TTC39A: variants seen among roughly 807,000 people sequenced by gnomAD.
The protein encoded by TTC39A is tetratricopeptide repeat protein 39A.
In TTC39A, 46 loss-of-function variants were observed where a neutral mutation model predicts 82.3. That is an observed-to-expected ratio of 0.56 (90% CI 0.44 to 0.71). The LOEUF (loss-of-function observed/expected upper bound fraction) is 0.71. Ranked by LOEUF, TTC39A falls within the 30% of genes least tolerant of loss-of-function variation. TTC39A has a pLI of 0.00. For synonymous variants in TTC39A, 254 were observed against 275.2 expected, an observed-to-expected ratio of 0.92 and a Z score of 0.76; for missense variants, 543 against 712.9, an observed-to-expected ratio of 0.76 and a Z score of 2.71.
intron 5 of TTC39A, among the ~76,000 whole-genome samples, chr1:51,310,370 C>T (rs1322572209): frequency 2.6e-5 from 4 of 152,132 alleles, no homozygotes; most frequent in African/African-American, 7.2e-5. Context: ...TTCTGTCCTC[C>T]AGTCGGGTGT....
chr1:51,312,338 G>C (rs958931445), intron 3 of TTC39A, 143 bp from the exon 4 acceptor site: 20 of 874,148 alleles, frequency 2.3e-5, no homozygotes, highest in Non-Finnish European at 3.1e-5. Flanking sequence ...AACAGAAGAG[G>C]TTTGATATTC....
At chr1:51,316,072 C>T (rs1418437731) in intron 2 of TTC39A, among the ~76,000 whole-genome samples, 3 of 152,114 alleles carry the variant, frequency 2.0e-5, no homozygotes, top group African/African-American at 7.2e-5. Context: ...GAAATGGGGT[C>T]CCTGGGTCGT....
intron 2 of TTC39A, among the ~76,000 whole-genome samples, chr1:51,316,348 AC>A (rs898598453): frequency 1.1e-4 from 16 of 152,010 alleles, no homozygotes; most frequent in African/African-American, 1.7e-4. Context: ...AAGCCTCCTG[AC>A]CTGCCCATAC....
At chr1:51,313,015 TC>T in intron 2 of TTC39A, 72 bp from the exon 3 acceptor site, 1 of 1,560,200 alleles carries the variant, frequency 6.4e-7, no homozygotes, top group Non-Finnish European at 8.7e-7. Context: ...GGGCAGCTCA[TC>T]TCCACCCTCC....
chr1:51,332,586 G>C (rs1645927230), upstream of TTC39A, among the ~76,000 whole-genome samples: 1 of 152,252 alleles, frequency 6.6e-6, no homozygotes, highest in Non-Finnish European at 1.5e-5. Flanking sequence ...GAGCACTGTA[G>C]TTGGAGACTG....
upstream of TTC39A, chr1:51,331,262 TG>T: frequency 1.3e-6 from 2 of 1,547,452 alleles, no homozygotes; most frequent in Admixed American, 3.9e-5. Context: ...AGTGCCTGTG[TG>T]GGGGTCACCC....
chr1:51,289,799 A>G (rs1256370571), intron 16 of TTC39A, among the ~76,000 whole-genome samples: 1 of 152,148 alleles, frequency 6.6e-6, no homozygotes, highest in South Asian at 2.1e-4. Flanking sequence ...TAGTCAGGCA[A>G]TTTGGTGGCA....
intron 1 of TTC39A, chr1:51,325,922 C>T (rs1645696642): frequency 6.6e-6 from 1 of 152,320 alleles, no homozygotes; most frequent in Non-Finnish European, 1.5e-5. Flanking sequence ...AGCCCCGGCA[C>T]CTCTTCTGCT....
At position 51,302,342 on chromosome 1, in the gene TTC39A, A is replaced by G; in HGVS notation, c.891+15T>C. The G allele has an allele frequency of 6.3e-7, 1 of 1,590,118 alleles. No individual in the cohort carries two copies. Among genetic ancestry groups the G allele is most frequent in the Non-Finnish European group, 8.6e-7 (1 of 1,169,472 alleles). ...CGAGGGATCCCCAGCCCCGGCCCGG[A>G]CCCCCATCACTCACTGCATCAATGT... On this transcript the variant is annotated intron_variant, in intron 11 of 17. Coordinates refer to ENST00000680483, the MANE Select transcript of TTC39A (RefSeq NM_001297663.2).
At position 51,321,978 on chromosome 1, in the gene TTC39A, G is replaced by T; in HGVS notation, c.42-153C>A. The T allele has an allele frequency of 7.4e-7, 1 of 1,351,830 alleles. No homozygotes were observed. The highest frequency in any genetic ancestry group is 1.0e-6 in the Non-Finnish European group (1 of 983,868). The allele number at this position is 1,351,830 out of a possible 1,614,324, so 83.7% of individuals were successfully genotyped here. ...CCAGGCTGCCACTCTGTACTGGGAC[G>T]CAGGGACAATTTGGACCCACCTCTT... On this transcript the variant is annotated intron_variant, in intron 1 of 17. Coordinates refer to ENST00000680483, the MANE Select transcript of TTC39A (RefSeq NM_001297663.2). This position sits in a 1 kb window ranked among gnomAD's most constrained non-coding sequence, Gnocchi z 4.6.
Position 51,294,277 on chromosome 1 carries a change from G to T in TTC39A, c.1266+114C>A, listed in dbSNP as rs1450966546. 5.3e-6 allele frequency: 8 copies of T among 1,515,984 alleles called. No individual in the cohort carries two copies. In the East Asian group the frequency reaches 1.6e-4, roughly 31 times the overall value. 93.9% of individuals were successfully genotyped at this position (1,515,984 alleles called of 1,614,324 possible). ...AGGTGAATTGTGAAACCCTCCCCAG[G>T]CCCCTGAGGCATGAAGGTCTTTCTC... On this transcript the variant is annotated intron_variant, in intron 14 of 17. Transcript: ENST00000680483. This position sits in a 1 kb window ranked among gnomAD's most constrained non-coding sequence, Gnocchi z 4.3.
intron 16 of TTC39A, among the ~76,000 whole-genome samples, chr1:51,289,781 G>A (rs1298709520): frequency 6.6e-6 from 1 of 152,206 alleles, no homozygotes; most frequent in East Asian, 1.9e-4. Context: ...AACGTGGATG[G>A]ACTCCTGTAG....
At chr1:51,335,756 A>AGGAG (rs1157820282), upstream of TTC39A, among the ~76,000 whole-genome samples, 1 of 152,060 alleles carries the variant, frequency 6.6e-6, no homozygotes, top group East Asian at 1.9e-4. Context: ...AAGAGAAGAA[A>AGGAG]GGAGGGGTGT....
At chr1:51,310,914 A>G (rs1169365176) in intron 5 of TTC39A, among the ~76,000 whole-genome samples, 1 of 152,270 alleles carries the variant, frequency 6.6e-6, no homozygotes, top group African/African-American at 2.4e-5. Flanking sequence ...CATAGGTGCT[A>G]CAATGCTTGT....
chr1:51,296,526 T>C (rs1569794773), intron 12 of TTC39A, among the ~76,000 whole-genome samples: 1 of 152,230 alleles, frequency 6.6e-6, no homozygotes, highest in African/African-American at 2.4e-5. Context: ...GGAAATTCCC[T>C]GAGGCCCCAG....
intron 9 of TTC39A, 92 bp downstream of exon 9, chr1:51,302,992 C>T: frequency 8.5e-7 from 1 of 1,182,272 alleles, no homozygotes; most frequent in South Asian, 1.5e-5. Context: ...TATCCCTAGC[C>T]ACAGGGCATG....
In TTC39A at chr1:51,287,959, G is replaced by T; in HGVS notation, c.*198C>A. 2.6e-6 allele frequency: 2 copies of T among 774,732 alleles called. No individual in the cohort carries two copies. The highest frequency in any genetic ancestry group is 2.0e-6 in the Non-Finnish European group (1 of 503,268). 48.0% of individuals were successfully genotyped at this position (774,732 alleles called of 1,614,324 possible). A position where few individuals can be genotyped will look rare whatever the true frequency, so the allele number is the denominator to read the frequency against. On this transcript the variant is annotated 3_prime_UTR_variant, in exon 18 of 18. Transcript: ENST00000680483. ...GCAGGCAGAGGGCTCCACCTGCTCT[G>T]CCCTTGGCAAAGGCCCTTGGCTACA...
At chr1:51,326,994 C>A (rs919689513) in intron 1 of TTC39A, among the ~76,000 whole-genome samples, 1 of 152,222 alleles carries the variant, frequency 6.6e-6, no homozygotes, top group Non-Finnish European at 1.5e-5. Flanking sequence ...ATCCCACCCA[C>A]ACTTGAGGCC....
Position 51,306,023 on chromosome 1 carries a change from G to T in TTC39A, c.542C>A (p.Pro181Gln). The T allele has an allele frequency of 6.2e-7, 1 of 1,613,982 alleles. No homozygotes were observed. The highest frequency in any genetic ancestry group is 8.5e-7 in the Non-Finnish European group (1 of 1,179,872). The part of the protein sequence containing the change: ...SSQYCKGENH[P>Q]HFEGGVKLGV... ...AAGCTTCACTCCTCCTTCAAAGTGC[G>T]GGTGGTTCTCACCCTTGCAGTATTG... Residue 181 changes from proline to glutamine, a missense_variant, in exon 7 of 18, where the codon CCG (proline) becomes CAG (glutamine). Coordinates refer to ENST00000680483, the MANE Select transcript of TTC39A (RefSeq NM_001297663.2).
Sources: allele counts gnomAD v4.1 joint callset (sites outside exome capture counted in the v4.1 genomes callset), GRCh38; gene constraint gnomAD v4.1.1; non-coding constraint Gnocchi (gnomAD v3.1); transcripts MANE v1.5; gene names NCBI Gene and HGNC (gene_info 2026-07-23, HGNC 2026-07-21).